Variants in PLEKHD1 observed in about 807,000 individuals in gnomAD.
PLEKHD1 encodes the protein pleckstrin homology domain-containing family D member 1.
A neutral mutation model predicts 69.2 loss-of-function variants in PLEKHD1; 51 were observed. That is an observed-to-expected ratio of 0.74 (90% CI 0.59 to 0.93). The LOEUF (loss-of-function observed/expected upper bound fraction) is 0.93, where lower values mean the gene tolerates loss of function less well. PLEKHD1 is among the 40% of genes least tolerant of loss of function. PLEKHD1 has a pLI of 0.00. For synonymous variants in PLEKHD1, 236 were observed against 244.7 expected, an observed-to-expected ratio of 0.96 and a Z score of 0.33; for missense variants, 584 against 641.0, an observed-to-expected ratio of 0.91 and a Z score of 0.96.
At chr14:69,504,644 TG>T (rs1399430371) in intron 6 of PLEKHD1, among the ~76,000 whole-genome samples, 1 of 152,206 alleles carries the variant, frequency 6.6e-6, no homozygotes, top group East Asian at 1.9e-4. Context: ...CTTCTAAAAT[TG>T]TATTGGTTAT....
At chr14:69,497,845 C>A (rs1415908098) in intron 1 of PLEKHD1, among the ~76,000 whole-genome samples, 1 of 151,962 alleles carries the variant, frequency 6.6e-6, no homozygotes, top group Non-Finnish European at 1.5e-5. Context: ...TGAGCAGGGG[C>A]CACAGGGCTG....
the PLEKHD1 span, among the ~76,000 whole-genome samples, chr14:69,477,480 G>A: frequency 6.6e-5 from 10 of 152,076 alleles, no homozygotes; most frequent in East Asian, 1.9e-4. Flanking sequence ...ACTCATTTCC[G>A]CATTAACTCA....
At chr14:69,487,267 C>T (rs1243185701) in intron 1 of PLEKHD1, among the ~76,000 whole-genome samples, 2 of 151,422 alleles carry the variant, frequency 1.3e-5, no homozygotes, top group African/African-American at 2.4e-5. Context: ...CCAGAGAGGG[C>T]CTGGGTGTGG....
In PLEKHD1 at chr14:69,529,386, A is replaced by G. The variant is rs986634352; in HGVS notation, c.*967A>G. 6.6e-6 allele frequency: 1 copy of G among 152,030 alleles called. No individual in the cohort carries two copies. The highest frequency in any genetic ancestry group is 2.4e-5 in the African/African-American group (1 of 41,300). The allele number at this position is 152,030 out of a possible 1,614,324, so 9.4% of individuals were successfully genotyped here. ...CAAAACCCTGTCTCTACAAAAAATA[A>G]AAAAAATAAAATAAATAGCTGGGCA... is the stretch of plus-strand genomic sequence containing the variant. On this transcript the variant is annotated 3_prime_UTR_variant, in exon 13 of 13. Transcript: ENST00000322564.
At chr14:69,479,301 G>A in the PLEKHD1 span, among the ~76,000 whole-genome samples, 2 of 152,290 alleles carry the variant, frequency 1.3e-5, no homozygotes, top group African/African-American at 2.4e-5. Flanking sequence ...TGGGGACACA[G>A]CCAAACCGTA....
intron 6 of PLEKHD1, among the ~76,000 whole-genome samples, chr14:69,521,925 G>T (rs114488345): frequency 0.011 from 1,713 of 152,314 alleles, 38 homozygotes; most frequent in African/African-American, 0.04. Context: ...TCCTCCAGGT[G>T]TGAGGGACAG....
chr14:69,528,540 C>T lies in PLEKHD1; in HGVS notation c.*121C>T, dbSNP rs547356656. 3.2e-5 allele frequency: 42 copies of T among 1,314,486 alleles called. No homozygotes were observed. The highest frequency in any genetic ancestry group is 4.2e-5 in the Non-Finnish European group (41 of 985,176). 81.4% of individuals were successfully genotyped at this position (1,314,486 alleles called of 1,614,324 possible). ...CTCTGGTCTGGAGCCTATGTCTCCT[C>T]TGGGCCGGAGCTCCACTTGGGGGCC... On this transcript the variant is annotated 3_prime_UTR_variant, in exon 13 of 13. Coordinates refer to ENST00000322564, the MANE Select transcript of PLEKHD1 (RefSeq NM_001161498.2).
At chr14:69,484,719 C>T, upstream of PLEKHD1, 1 of 435,532 alleles carries the variant, frequency 2.3e-6, no homozygotes, top group South Asian at 4.2e-5. Context: ...GCTGAGCCAC[C>T]CTCCCCGCGG....
At chr14:69,519,557 A>T (rs1883462071) in intron 6 of PLEKHD1, among the ~76,000 whole-genome samples, 1 of 152,182 alleles carries the variant, frequency 6.6e-6, no homozygotes, top group Non-Finnish European at 1.5e-5. Context: ...AATTCCAGTC[A>T]TTCCAAGCCA....
At chr14:69,507,673 G>A (rs576709854) in intron 6 of PLEKHD1, among the ~76,000 whole-genome samples, 1 of 152,224 alleles carries the variant, frequency 6.6e-6, no homozygotes, top group South Asian at 2.1e-4. Flanking sequence ...CCAGCATTTG[G>A]TGTTGTCAGG....
intron 1 of PLEKHD1, among the ~76,000 whole-genome samples, chr14:69,485,595 C>T (rs1882639027): frequency 6.6e-6 from 1 of 152,158 alleles, no homozygotes. Context: ...GGACCTGGCC[C>T]TTCTGAAAGG....
chr14:69,481,135 G>A (rs188714477), upstream of PLEKHD1, among the ~76,000 whole-genome samples: 162 of 152,296 alleles, frequency 1.1e-3, 2 homozygotes, highest in East Asian at 0.027. Context: ...GGGCAAGATA[G>A]TGAGACCTCA....
chr14:69,469,491 C>A, the PLEKHD1 span, among the ~76,000 whole-genome samples: 3 of 151,992 alleles, frequency 2.0e-5, no homozygotes. Flanking sequence ...CTCACTGCAG[C>A]CTAGAACTCT....
chr14:69,495,674 C>G (rs986208717), intron 1 of PLEKHD1, among the ~76,000 whole-genome samples: 1 of 152,238 alleles, frequency 6.6e-6, no homozygotes, highest in Non-Finnish European at 1.5e-5. Context: ...ACTGCCGCAG[C>G]CTTGCAGTTC....
chr14:69,486,843 G>C (rs1882664735), intron 1 of PLEKHD1, among the ~76,000 whole-genome samples: 1 of 152,122 alleles, frequency 6.6e-6, no homozygotes, highest in Admixed American at 6.5e-5. Flanking sequence ...AGGAGTACAG[G>C]GCATAGGCCC....
chr14:69,531,257 G>A lies in PLEKHD1; in HGVS notation c.*2838G>A, dbSNP rs1883784402. On this transcript the variant is annotated 3_prime_UTR_variant, in exon 13 of 13. Coordinates refer to ENST00000322564, the MANE Select transcript of PLEKHD1 (RefSeq NM_001161498.2). The stretch of plus-strand genomic sequence containing the variant: ...GGAGGGAACAAACATTCAAACTGTA[G>A]CAGTGCTTTTCCATGCACATTTACC... 6.6e-6 allele frequency: 1 copy of A among 152,300 alleles called. No individual in the cohort carries two copies. Among genetic ancestry groups the A allele is most frequent in the South Asian group, 2.1e-4 (1 of 4,834 alleles). The allele number at this position is 152,300 out of a possible 1,614,324, so 9.4% of individuals were successfully genotyped here.
intron 6 of PLEKHD1, among the ~76,000 whole-genome samples, chr14:69,520,766 A>G (rs1883494860): frequency 6.6e-6 from 1 of 152,216 alleles, no homozygotes; most frequent in African/African-American, 2.4e-5. Flanking sequence ...TATTTATATT[A>G]TGTCTATATA....
chr14:69,521,172 G>T (rs1373340099), intron 6 of PLEKHD1, among the ~76,000 whole-genome samples: 1 of 152,204 alleles, frequency 6.6e-6, no homozygotes, highest in Non-Finnish European at 1.5e-5. Flanking sequence ...CCAGTGAGCA[G>T]TGAGCAGTCT....
chr14:69,524,258 AG>A lies in PLEKHD1; in HGVS notation c.683del (p.Gly228ValfsTer2). 6.4e-7 allele frequency: 1 copy of A among 1,551,670 alleles called. No individual in the cohort carries two copies. On this transcript the variant is annotated frameshift_variant, in exon 8 of 13. Transcript: ENST00000322564. LOFTEE classifies it high-confidence loss of function. ...CTGGAACTGACTGCAAGATGCCTTA[AG>A]GGTGTAGAACAAGAGAAAAAGGAAC... The part of the protein sequence containing the change: ...RELELTARCL[K>X]GVEQEKKELR...
Sources: allele counts gnomAD v4.1 joint callset (sites outside exome capture counted in the v4.1 genomes callset), GRCh38; gene constraint gnomAD v4.1.1; transcripts MANE v1.5; gene names NCBI Gene and HGNC (gene_info 2026-07-23, HGNC 2026-07-21).